SNX13: variants seen among roughly 807,000 people sequenced by gnomAD.
SNX13 encodes sorting nexin 13.
A neutral mutation model predicts 133.6 loss-of-function variants in SNX13; 45 were observed. The ratio of observed to expected loss-of-function variants is 0.34; its 90% CI spans 0.27 to 0.43. The LOEUF is 0.43. Ranked by LOEUF, SNX13 falls within the 20% of genes least tolerant of loss-of-function variation. SNX13 has a pLI of 1.00. For synonymous variants in SNX13, 414 were observed against 373.9 expected (o/e 1.11, Z -1.24); for missense variants, 1,032 against 1,145.1 (o/e 0.90, Z 1.43).
At chr7:17,890,539 C>T (rs1330833766) in intron 4 of SNX13, 55 bp from the exon 5 acceptor site, 2 of 1,353,400 alleles carry the variant, frequency 1.5e-6, no homozygotes, top group Non-Finnish European at 2.0e-6. Context: ...TAAAAAGTTA[C>T]AGTGGTAAAC....
rs1426234843 is a variant in SNX13 at position 17,890,052 on chromosome 7, G to A, written c.440+311C>T. The A allele has an allele frequency of 2.6e-5, 5 of 195,544 alleles. No homozygotes were observed. In the East Asian group the frequency reaches 5.0e-4, roughly 19 times the overall value. The allele number at this position is 195,544 out of a possible 1,614,324, so 12.1% of individuals were successfully genotyped here. On this transcript the variant is annotated intron_variant, in intron 5 of 25. Coordinates refer to ENST00000428135, the MANE Select transcript of SNX13 (RefSeq NM_015132.5). Reference sequence around the variant, plus strand: ...TAAAACAGAGGGTCTAGGGAAGGGGGAGGGGGGAAGTAGCAATAAGTGGGG... The same window carrying A: ...TAAAACAGAGGGTCTAGGGAAGGGGAAGGGGGGAAGTAGCAATAAGTGGGG...
intron 1 of SNX13, among the ~76,000 whole-genome samples, chr7:17,931,799 C>A (rs1481228101): frequency 2.0e-5 from 3 of 152,164 alleles, no homozygotes; most frequent in African/African-American, 7.2e-5. Context: ...TATTTACAGA[C>A]CATTATTCTA....
At chr7:17,914,035 GC>G (rs770993435) in intron 1 of SNX13, among the ~76,000 whole-genome samples, 4 of 152,032 alleles carry the variant, frequency 2.6e-5, no homozygotes, top group East Asian at 1.9e-4. Context: ...AGATGACATA[GC>G]TGTATTAAGA....
Position 17,792,817 on chromosome 7 carries a change from T to C in SNX13, c.*1228A>G, listed in dbSNP as rs576768862. 7.7e-4 allele frequency: 118 copies of C among 152,442 alleles called. No individual in the cohort carries two copies. The highest frequency in any genetic ancestry group is 4.8e-3 in the East Asian group (25 of 5,184). The allele number at this position is 152,442 out of a possible 1,614,324, so 9.4% of individuals were successfully genotyped here. ...GATAAAATGGACAGTCAGAAAACTA[T>C]AGGAAATACAGAAGCTCCAAAACTA... On this transcript the variant is annotated 3_prime_UTR_variant, in exon 26 of 26. Transcript: ENST00000428135.
chr7:17,897,510 CA>C, intron 1 of SNX13, 64 bp from the exon 2 acceptor site: 1 of 943,060 alleles, frequency 1.1e-6, no homozygotes, highest in Non-Finnish European at 1.5e-6. Context: ...AGAAAAGAAC[CA>C]ACAAAACTTT....
chr7:17,819,059 A>C (rs1786992404), intron 18 of SNX13, among the ~76,000 whole-genome samples: 1 of 152,220 alleles, frequency 6.6e-6, no homozygotes, highest in African/African-American at 2.4e-5. Flanking sequence ...AGTACCAGAC[A>C]CATAGGAAAA....
intron 22 of SNX13, among the ~76,000 whole-genome samples, chr7:17,800,413 A>G (rs1784489489): frequency 6.6e-6 from 1 of 151,804 alleles, no homozygotes; most frequent in Non-Finnish European, 1.5e-5. Flanking sequence ...TAAGGGAGAA[A>G]CAGTACAGTG....
At chr7:17,835,424 G>C (rs1789025239) in intron 13 of SNX13, among the ~76,000 whole-genome samples, 1 of 151,794 alleles carries the variant, frequency 6.6e-6, no homozygotes, top group Non-Finnish European at 1.5e-5. Flanking sequence ...CAAAGTTCCA[G>C]TGTGATATGG....
chr7:17,893,484 T>C (rs1796860055), intron 2 of SNX13, 50 bp from the exon 3 acceptor site: 1 of 1,162,302 alleles, frequency 8.6e-7, no homozygotes, highest in Admixed American at 2.3e-5. Context: ...TTCCTTATAA[T>C]TTAATGAATC....
chr7:17,846,719 C>T (rs181544951), intron 11 of SNX13, among the ~76,000 whole-genome samples: 1 of 151,874 alleles, frequency 6.6e-6, no homozygotes, highest in East Asian at 1.9e-4. Context: ...CATGTAAGTA[C>T]TGAATAATAA....
chr7:17,886,024 C>G (rs1583624391), intron 5 of SNX13, among the ~76,000 whole-genome samples: 1 of 152,090 alleles, frequency 6.6e-6, no homozygotes, highest in East Asian at 1.9e-4. Context: ...AAGGATAAAA[C>G]TTTGTTGCAA....
chr7:17,916,648 T>G (rs546170839), intron 1 of SNX13, among the ~76,000 whole-genome samples: 1 of 151,522 alleles, frequency 6.6e-6, no homozygotes, highest in Non-Finnish European at 1.5e-5. Flanking sequence ...AGTTCCAAAA[T>G]TGAATCAGTA....
chr7:17,937,371 C>A (rs1000467150), intron 1 of SNX13, among the ~76,000 whole-genome samples: 5 of 151,530 alleles, frequency 3.3e-5, no homozygotes, highest in Admixed American at 6.6e-5. Context: ...ATTTTTGGCC[C>A]GGTGCAGTGG....
At chr7:17,898,984 G>T (rs542096683) in intron 1 of SNX13, 1 of 152,248 alleles carries the variant, frequency 6.6e-6, no homozygotes, top group Admixed American at 6.5e-5. Context: ...CTGAATCAGG[G>T]GGGAATACTA....
rs1783821573 is a variant in SNX13, at chr7:17,794,252, T to G, written c.2667A>C (p.Lys889Asn). The G allele has an allele frequency of 6.2e-7, 1 of 1,611,576 alleles. No individual in the cohort carries two copies. Among genetic ancestry groups the G allele is most frequent in the Non-Finnish European group, 8.5e-7 (1 of 1,178,416 alleles). The change falls in exon 26 of 26, where the codon AAA becomes AAC. Residue 889 changes from lysine (K) to asparagine (N), a missense_variant. Coordinates refer to ENST00000428135, the MANE Select transcript of SNX13 (RefSeq NM_015132.5). The part of the protein sequence containing the change: ...KHIIGAETTR[K>N]GILRVFEMFQ... Reference sequence around the variant, plus strand: ...ACATTTCAAAAACACGAAGAATACCTTTCCGTGTTGTCTCAGCCCCAATAA... The same window carrying G: ...ACATTTCAAAAACACGAAGAATACCGTTCCGTGTTGTCTCAGCCCCAATAA...
chr7:17,934,063 T>C (rs1472825622), intron 1 of SNX13, among the ~76,000 whole-genome samples: 2 of 152,202 alleles, frequency 1.3e-5, no homozygotes, highest in Non-Finnish European at 2.9e-5. Flanking sequence ...GCCATATGTA[T>C]AATTTGTTGA....
rs778752584 is a variant in SNX13, at chr7:17,834,763, T to G, written c.1462A>C (p.Lys488Gln). Reference sequence around the variant, plus strand: ...ATAAATGCTGTACATAATAATACCTTTCTTTGAATGTCATCAAAGATTTCA... The same window carrying G: ...ATAAATGCTGTACATAATAATACCTGTCTTTGAATGTCATCAAAGATTTCA... ...TPEIFDDIQR[K>Q]VYELMLRDER... The change falls in exon 14 of 26, where the codon AAG becomes CAG. Residue 488 changes from lysine (K) to glutamine (Q), a missense_variant and splice_region_variant. Physicochemically the swap from Lys to Gln is moderately conservative, Grantham distance 53. Coordinates refer to ENST00000428135, the MANE Select transcript of SNX13 (RefSeq NM_015132.5). 1 of 1,575,744 alleles carries G rather than the reference T, an allele frequency of 6.3e-7. No homozygotes were observed. The highest frequency in any genetic ancestry group is 1.1e-5 in the South Asian group (1 of 89,840).
At chr7:17,871,252 A>G (rs1211478069) in intron 8 of SNX13, among the ~76,000 whole-genome samples, 6 of 152,198 alleles carry the variant, frequency 3.9e-5, no homozygotes, top group East Asian at 3.9e-4. Flanking sequence ...TGATCCGCCC[A>G]CCTTGGCCTC....
intron 1 of SNX13, among the ~76,000 whole-genome samples, chr7:17,929,735 A>G (rs946586099): frequency 1.3e-5 from 2 of 152,174 alleles, no homozygotes; most frequent in Admixed American, 1.3e-4. Flanking sequence ...ATCTACAGTA[A>G]AAGTTTTAGT....
Sources: allele counts gnomAD v4.1 joint callset (sites outside exome capture counted in the v4.1 genomes callset), GRCh38; gene constraint gnomAD v4.1.1; transcripts MANE v1.5; gene names NCBI Gene and HGNC (gene_info 2026-07-23, HGNC 2026-07-21).